WWC2: variants seen among roughly 807,000 people sequenced by gnomAD.
The protein encoded by WWC2 is WW and C2 domain containing 2.
WWC2 carries 101 observed loss-of-function variants against 138.5 expected under a neutral mutation model. That is an observed-to-expected ratio of 0.73 (90% confidence interval 0.62 to 0.86). The LOEUF (loss-of-function observed/expected upper bound fraction) is 0.86. WWC2 is among the 40% of genes least tolerant of loss of function. The pLI is 0.00. For missense variants in WWC2, 1,420 were observed against 1,419.4 expected, an observed-to-expected ratio of 1.00 and a Z score of -0.01; for synonymous variants, 558 against 538.4, an observed-to-expected ratio of 1.04 and a Z score of -0.50.
At chr4:183,178,022 C>A (rs1038768904) in intron 1 of WWC2, among the ~76,000 whole-genome samples, 2 of 152,302 alleles carry the variant, frequency 1.3e-5, no homozygotes, top group East Asian at 3.9e-4. Context: ...CCAGGCCCTG[C>A]TAACAGCATC....
chr4:183,177,935 G>A (rs1169418815), intron 1 of WWC2, among the ~76,000 whole-genome samples: 1 of 152,112 alleles, frequency 6.6e-6, no homozygotes, highest in Non-Finnish European at 1.5e-5. Flanking sequence ...TTCACTTTGG[G>A]ACCCTGCAAG....
At chr4:183,187,570 A>AATAATAATAATAATAATG (rs1214239142) in intron 1 of WWC2, among the ~76,000 whole-genome samples, 10 of 141,390 alleles carry the variant, frequency 7.1e-5, no homozygotes, top group African/African-American at 2.6e-4. Flanking sequence ...TAATAATAAT[A>AATAATAATAATAATAATG]ATAATAATAA....
intron 21 of WWC2, among the ~76,000 whole-genome samples, chr4:183,311,761 T>G (rs1015205319): frequency 4.5e-4 from 68 of 151,930 alleles, no homozygotes; most frequent in African/African-American, 1.6e-3. Flanking sequence ...ATATTTTTAG[T>G]AGAGACGGGG....
chr4:183,315,557 C>A, intron 22 of WWC2, 106 bp from the exon 23 acceptor site: 1 of 767,054 alleles, frequency 1.3e-6, no homozygotes, highest in Non-Finnish European at 2.1e-6. Context: ...TCTACCTGTG[C>A]TTGCAGAGAC....
chr4:183,280,803 A>G lies in WWC2; in HGVS notation c.2590A>G (p.Thr864Ala). Residue 864 changes from threonine (T) to alanine (A), a missense_variant, in exon 17 of 23, where the codon ACA becomes GCA. Thr to Ala is a moderately conservative substitution (Grantham distance 58, BLOSUM62 0). Coordinates refer to ENST00000403733, the MANE Select transcript of WWC2 (RefSeq NM_024949.6). ...TGCAGTGTCAGCCTTACTTGCAAGA[A>G]CATCAGCTGAGTTGTTAGCTGTGGA... ...LDAVSALLAR[T>A]SAELLAVEQE... The G allele has an allele frequency of 6.2e-7, 1 of 1,604,826 alleles. No homozygotes were observed. The highest frequency in any genetic ancestry group is 8.5e-7 in the Non-Finnish European group (1 of 1,175,600).
At chr4:183,131,630 T>C (rs1414421851) in intron 1 of WWC2, among the ~76,000 whole-genome samples, 3 of 152,208 alleles carry the variant, frequency 2.0e-5, no homozygotes, top group Non-Finnish European at 2.9e-5. Context: ...TTCTACTTAA[T>C]TGCTTGTTTT....
At chr4:183,207,340 C>T (rs889852105) in intron 2 of WWC2, among the ~76,000 whole-genome samples, 4 of 152,138 alleles carry the variant, frequency 2.6e-5, no homozygotes, top group African/African-American at 9.7e-5. Flanking sequence ...ACTGCGGACT[C>T]ACTGATATTT....
At chr4:183,157,634 GGC>G (rs986329285) in intron 1 of WWC2, among the ~76,000 whole-genome samples, 1 of 152,022 alleles carries the variant, frequency 6.6e-6, no homozygotes, top group African/African-American at 2.4e-5. Context: ...CCAAGTAGCT[GGC>G]ATTACAGGTG....
At chr4:183,227,961 T>A (rs1182441189) in intron 4 of WWC2, among the ~76,000 whole-genome samples, 1 of 151,984 alleles carries the variant, frequency 6.6e-6, no homozygotes, top group Admixed American at 6.6e-5. Flanking sequence ...AACGTAAATC[T>A]CAGTGTATCA....
chr4:183,195,116 C>G (rs917383339), intron 2 of WWC2, among the ~76,000 whole-genome samples: 12 of 152,158 alleles, frequency 7.9e-5, no homozygotes, highest in South Asian at 2.1e-4. Flanking sequence ...CAAATGTCAT[C>G]TGTAAGGGTG....
intron 16 of WWC2, among the ~76,000 whole-genome samples, chr4:183,278,057 C>A (rs1250528937): frequency 6.6e-6 from 1 of 152,056 alleles, no homozygotes; most frequent in African/African-American, 2.4e-5. Context: ...TTGCCCATGC[C>A]TATGTCCTGA....
intron 1 of WWC2, among the ~76,000 whole-genome samples, chr4:183,115,836 T>C (rs1732392682): frequency 6.6e-6 from 1 of 152,216 alleles, no homozygotes; most frequent in African/African-American, 2.4e-5. Context: ...AGAAGCTCTT[T>C]AGTTTAATTA....
At chr4:183,198,683 G>A (rs935162561) in intron 2 of WWC2, among the ~76,000 whole-genome samples, 1 of 147,934 alleles carries the variant, frequency 6.8e-6, no homozygotes, top group African/African-American at 2.5e-5. Context: ...GCTGAGCATG[G>A]TAGCTCTTGC....
intron 4 of WWC2, among the ~76,000 whole-genome samples, chr4:183,218,752 C>G (rs541210375): frequency 6.6e-6 from 1 of 152,288 alleles, no homozygotes; most frequent in African/African-American, 2.4e-5. Flanking sequence ...CAAAGGCAGT[C>G]TGTTGAATTC....
chr4:183,307,660 T>G (rs929074599), intron 21 of WWC2, among the ~76,000 whole-genome samples: 12 of 152,192 alleles, frequency 7.9e-5, no homozygotes, highest in African/African-American at 2.9e-4. Flanking sequence ...TTGTAGTGAA[T>G]CACATCAACA....
At chr4:183,162,703 G>GT (rs1733997447) in intron 1 of WWC2, among the ~76,000 whole-genome samples, 1 of 152,044 alleles carries the variant, frequency 6.6e-6, no homozygotes, top group South Asian at 2.1e-4. Flanking sequence ...CATTATAGTA[G>GT]TTTCTTCAGC....
chr4:183,289,580 C>T lies in WWC2; in HGVS notation c.3329C>T (p.Pro1110Leu). The T allele has an allele frequency of 6.2e-6, 10 of 1,613,864 alleles. No individual in the cohort carries two copies. Among genetic ancestry groups the T allele is most frequent in the Non-Finnish European group, 7.6e-6 (9 of 1,179,876 alleles). The stretch of plus-strand genomic sequence containing the variant: ...GCTCAGGGAGAGACTGACCTTCCAC[C>T]AGGCGTGCTGGAGGATGAGAGGTTC... Reference protein sequence around the residue: ...LKAQGETDLPPGVLEDERFQR... With the variant: ...LKAQGETDLPLGVLEDERFQR... The change falls in exon 21 of 23, where the codon CCA (proline) becomes CTA (leucine). Residue 1110 changes from proline (P) to leucine (L), a missense_variant. Pro to Leu is a moderately conservative substitution (Grantham distance 98, BLOSUM62 -3). Coordinates refer to ENST00000403733, the MANE Select transcript of WWC2 (RefSeq NM_024949.6).
intron 1 of WWC2, among the ~76,000 whole-genome samples, chr4:183,101,566 T>C (rs1473666501): frequency 2.0e-5 from 3 of 152,210 alleles, no homozygotes; most frequent in African/African-American, 2.4e-5. Context: ...AGATACTCTG[T>C]TGAGATCAGA....
intron 1 of WWC2, among the ~76,000 whole-genome samples, chr4:183,147,761 A>G (rs1177489144): frequency 6.6e-5 from 10 of 152,240 alleles, no homozygotes; most frequent in Admixed American, 6.5e-4. Flanking sequence ...GATTGTCTGC[A>G]TTATTTAAGT....
Sources: gnomAD v4.1 joint callset for allele counts (sites outside exome capture counted in the v4.1 genomes callset) on GRCh38, gnomAD v4.1.1 for gene constraint, MANE v1.5 for transcripts, NCBI Gene and HGNC (gene_info 2026-07-23, HGNC 2026-07-21) for gene names.